The following CD4 variants were observed in gnomAD, a reference collection of about 807,000 sequenced individuals.
The protein encoded by CD4 is CD4 molecule, also known as T-cell surface glycoprotein CD4.
CD4 carries 25 observed loss-of-function variants against 50.5 expected under a neutral mutation model. That is an observed-to-expected ratio of 0.49 (90% confidence interval 0.36 to 0.69). The LOEUF (loss-of-function observed/expected upper bound fraction) is 0.69, where lower values mean the gene tolerates loss of function less well. CD4 is among the 30% of genes least tolerant of loss of function. The probability of loss-of-function intolerance (pLI) is 0.00; values close to 1 mark genes in which losing one functional copy is unlikely to be tolerated. For synonymous variants in CD4, 207 were observed against 221.9 expected (o/e 0.93, Z 0.60); for missense variants, 456 against 548.5 (o/e 0.83, Z 1.68).
At chr12:6,812,767 A>ATT (rs72287133) in intron 3 of CD4, among the ~76,000 whole-genome samples, 2 of 144,372 alleles carry the variant, frequency 1.4e-5, no homozygotes, top group East Asian at 2.1e-4. Context: ...AACCAAGGTT[A>ATT]TTTTTGTGTG....
At chr12:6,806,863 GT>G (rs1555116248) in intron 3 of CD4, among the ~76,000 whole-genome samples, 1 of 152,182 alleles carries the variant, frequency 6.6e-6, no homozygotes, top group East Asian at 1.9e-4. Flanking sequence ...CAGTTTGATA[GT>G]TTCTTATAAA....
At chr12:6,814,368 C>A in intron 4 of CD4, 68 bp downstream of exon 4, 6 of 1,514,508 alleles carry the variant, frequency 4.0e-6, no homozygotes, top group Non-Finnish European at 5.4e-6. Flanking sequence ...CCCACCCCTG[C>A]ACCAAATCCA....
chr12:6,800,415 G>A lies in CD4; in HGVS notation c.158G>A (p.Trp53Ter), dbSNP rs781961383. The change falls in exon 3 of 10, where the codon TGG (tryptophan) becomes TAG (stop). Residue 53 changes from tryptophan (W) to a stop codon, truncating the protein, a stop_gained. Coordinates refer to ENST00000011653, the MANE Select transcript of CD4 (RefSeq NM_000616.5). LOFTEE classifies it high-confidence loss of function. The stretch of plus-strand genomic sequence containing the variant: ...CAGAAGAAGAGCATACAATTCCACT[G>A]GAAAAACTCCAACCAGATAAAGATT... ...ASQKKSIQFH[W>*]KNSNQIKILG... 1 of 1,614,114 alleles carries A rather than the reference G, an allele frequency of 6.2e-7. No individual in the cohort carries two copies. Among genetic ancestry groups the A allele is most frequent in the Non-Finnish European group, 8.5e-7 (1 of 1,180,000 alleles).
At chr12:6,802,154 A>G (rs1042717473) in intron 3 of CD4, among the ~76,000 whole-genome samples, 6 of 152,008 alleles carry the variant, frequency 3.9e-5, no homozygotes, top group Non-Finnish European at 5.9e-5. Context: ...GATTACAGGC[A>G]TGAGCTACTG....
intron 3 of CD4, among the ~76,000 whole-genome samples, chr12:6,807,562 C>T (rs1380260317): frequency 6.6e-6 from 1 of 151,828 alleles, no homozygotes; most frequent in Non-Finnish European, 1.5e-5. Flanking sequence ...GGTTAAGGGG[C>T]TCAGGGATGG....
chr12:6,815,907 G>C (rs1175979217), intron 5 of CD4, 149 bp from the exon 6 acceptor site: 1 of 1,518,808 alleles, frequency 6.6e-7, no homozygotes, highest in Non-Finnish European at 8.8e-7. Context: ...GGAGAGGTAG[G>C]AAGGAACTGA....
At chr12:6,797,975 G>A (rs957982766) in intron 1 of CD4, among the ~76,000 whole-genome samples, 4 of 151,918 alleles carry the variant, frequency 2.6e-5, no homozygotes, top group East Asian at 1.9e-4. Flanking sequence ...TACGGGTGTC[G>A]GGCTGGGGGG....
intron 3 of CD4, among the ~76,000 whole-genome samples, chr12:6,809,737 G>A (rs782380659): frequency 6.6e-6 from 1 of 152,214 alleles, no homozygotes; most frequent in South Asian, 2.1e-4. Flanking sequence ...TCTGCAGGAC[G>A]TTCACCCTCT....
chr12:6,817,991 C>T (rs978574074), intron 7 of CD4, among the ~76,000 whole-genome samples: 7 of 152,062 alleles, frequency 4.6e-5, no homozygotes, highest in Middle Eastern at 3.2e-3. Context: ...CACACGCGCG[C>T]GCACATGCAT....
At chr12:6,794,775 G>GTTTTGTTTTTT (rs1942313259) in intron 1 of CD4, among the ~76,000 whole-genome samples, 1 of 112,542 alleles carries the variant, frequency 8.9e-6, no homozygotes, top group African/African-American at 3.2e-5. Flanking sequence ...CTGTATGTCT[G>GTTTTGTTTTTT]TTTTTTTTTT....
rs782139808 is a variant in CD4, at chr12:6,818,367, T to G, written c.1157-54T>G. 1.1e-5 allele frequency: 18 copies of G among 1,603,414 alleles called. No individual in the cohort carries two copies. The African/African-American group carries it at 2.3e-4, about 20-fold the overall frequency. On this transcript the variant is annotated intron_variant, in intron 7 of 9. Coordinates refer to ENST00000011653, the MANE Select transcript of CD4 (RefSeq NM_000616.5). This position sits in a 1 kb window ranked among gnomAD's most constrained non-coding sequence, Gnocchi z 5.0. ...GGAGGGATTGCAGGGCAGTCCTCAG[T>G]CCCCTGGCCCGTGGAGGAGGGCGGT... is the stretch of plus-strand genomic sequence containing the variant.
At chr12:6,812,211 G>A (rs1333070195) in intron 3 of CD4, among the ~76,000 whole-genome samples, 1 of 152,032 alleles carries the variant, frequency 6.6e-6, no homozygotes, top group Non-Finnish European at 1.5e-5. Context: ...ATCAGCCTGG[G>A]CAACATGGCA....
intron 3 of CD4, among the ~76,000 whole-genome samples, chr12:6,800,985 A>G (rs1942527325): frequency 6.6e-6 from 1 of 150,644 alleles, no homozygotes; most frequent in African/African-American, 2.4e-5. Context: ...GGCTCACTGC[A>G]ATCTCCACCT....
chr12:6,815,644 A>G (rs1555117785), intron 5 of CD4: 2 of 1,009,776 alleles, frequency 2.0e-6, no homozygotes, highest in African/African-American at 1.7e-5. Context: ...CCTCGTATTA[A>G]GTTGAGGACT....
chr12:6,798,432 AAAATGCT>A, intron 1 of CD4, among the ~76,000 whole-genome samples: 1 of 84,480 alleles, frequency 1.2e-5, no homozygotes, highest in Admixed American at 1.0e-4. Flanking sequence ...TTGGCCTCCC[AAAATGCT>A]GGGATTACAC....
At position 6,793,689 on chromosome 12, in the gene CD4, TATCTATCTATC is replaced by T. The variant is rs1565488159; in HGVS notation, c.-68+4028_-68+4038del. Among the ~76,000 whole-genome samples the T allele has an allele frequency of 2.7e-4, 31 of 114,974 alleles. 1 individual carries two copies. The highest frequency in any genetic ancestry group is 8.6e-3 in the Middle Eastern group (2 of 232). The allele number at this position is 114,974 out of a possible 152,430, so 75.4% of individuals were successfully genotyped here. On this transcript the variant is annotated intron_variant, in intron 1 of 9. Coordinates refer to ENST00000011653, the MANE Select transcript of CD4 (RefSeq NM_000616.5). ...CTATCTATCTATCTATCTATCTATCTATCTATCTATCTATCTTTTTTTTTTTTGAGACAAAA... is the reference window on the plus strand; with the variant it reads ...CTATCTATCTATCTATCTATCTATCTTATCTTTTTTTTTTTTGAGACAAAA...
rs1167560953 is a variant in CD4, at chr12:6,819,889, C to T, written c.*560C>T. 1 of 155,450 alleles carries T rather than the reference C, an allele frequency of 6.4e-6. No homozygotes were observed. Among genetic ancestry groups the T allele is most frequent in the Non-Finnish European group, 1.4e-5 (1 of 70,130 alleles). 9.6% of individuals were successfully genotyped at this position (155,450 alleles called of 1,614,324 possible). On this transcript the variant is annotated 3_prime_UTR_variant, in exon 10 of 10. Transcript: ENST00000011653. ...CATCCTGACCTTGCACAAACAGCCC[C>T]TCTGGACACAGCCCCATGTACACGG...
Position 6,816,269 on chromosome 12 carries a change from T to C in CD4, c.821T>C (p.Met274Thr). ...GTTACCCAGGACCCTAAGCTCCAGA[T>C]GGGCAAGAAGCTCCCGCTCCACCTC... ...KRVTQDPKLQ[M>T]GKKLPLHLTL... Residue 274 changes from methionine to threonine, a missense_variant, in exon 6 of 10, where the codon ATG becomes ACG. Met to Thr is a moderately conservative substitution (Grantham distance 81). Coordinates refer to ENST00000011653, the MANE Select transcript of CD4 (RefSeq NM_000616.5). The surrounding 1 kb of genome is among the most constrained non-coding windows in gnomAD (Gnocchi z 4.9). 1 of 1,614,210 alleles carries C rather than the reference T, an allele frequency of 6.2e-7. No individual in the cohort carries two copies. Among genetic ancestry groups the C allele is most frequent in the Non-Finnish European group, 8.5e-7 (1 of 1,180,034 alleles).
rs992264830 is a variant in CD4, at chr12:6,819,337, G to A, written c.*8G>A. On this transcript the variant is annotated 3_prime_UTR_variant, in exon 10 of 10. Coordinates refer to ENST00000011653, the MANE Select transcript of CD4 (RefSeq NM_000616.5). The stretch of plus-strand genomic sequence containing the variant: ...ACATGTAGCCCCATTTGAGGCACGA[G>A]GCCAGGCAGATCCCACTTGCAGCCT... 6.2e-6 allele frequency: 10 copies of A among 1,614,034 alleles called. No homozygotes were observed. Among genetic ancestry groups the A allele is most frequent in the Middle Eastern group, 1.7e-4 (1 of 6,060 alleles).
Sources: gnomAD v4.1 joint callset for allele counts (sites outside exome capture counted in the v4.1 genomes callset) on GRCh38, gnomAD v4.1.1 for gene constraint, Gnocchi (gnomAD v3.1) non-coding constraint, MANE v1.5 for transcripts, NCBI Gene and HGNC (gene_info 2026-07-23, HGNC 2026-07-21) for gene names.